The following C6 variants were observed in gnomAD, a reference collection of about 807,000 sequenced individuals.
C6 encodes the protein complement C6.
Under a neutral mutation model 112.9 loss-of-function variants are expected in C6, and 101 were observed. That is an observed-to-expected ratio of 0.89 (90% CI 0.76 to 1.06). C6 has a LOEUF of 1.06. Ranked by LOEUF, C6 falls within the 50% of genes least tolerant of loss-of-function variation. The pLI is 0.00. For synonymous variants in C6, 431 were observed against 384.1 expected, an observed-to-expected ratio of 1.12 and a Z score of -1.43; for missense variants, 1,202 against 1,104.6, an observed-to-expected ratio of 1.09 and a Z score of -1.25.
chr5:41,256,428 T>TTAAAAAAAAAAAAG (rs1561210175), intron 1 of C6, among the ~76,000 whole-genome samples: 1 of 35,894 alleles, frequency 2.8e-5, no homozygotes, highest in East Asian at 5.2e-4. Context: ...TAAAGTATAA[T>TTAAAAAAAAAAAAG]TAAAAAAAAA....
chr5:41,232,869 A>G (rs1435711084), intron 1 of C6, among the ~76,000 whole-genome samples: 1 of 151,762 alleles, frequency 6.6e-6, no homozygotes, highest in Non-Finnish European at 1.5e-5. Flanking sequence ...ATTAGCATTT[A>G]TATCTCTCAT....
chr5:41,149,818 T>C lies in C6; in HGVS notation c.2381+117A>G, dbSNP rs147934216. The C allele has an allele frequency of 1.3e-3, 980 of 765,950 alleles. 14 individuals carry two copies. In the African/African-American group the frequency reaches 0.016, roughly 12 times the overall value. 47.4% of individuals were successfully genotyped at this position (765,950 alleles called of 1,614,324 possible). On this transcript the variant is annotated intron_variant, in intron 16 of 17. Coordinates refer to ENST00000337836, the MANE Select transcript of C6 (RefSeq NM_000065.5). ...CAGCAGAGCACAGGAATATCAGTTA[T>C]GTGGAAAATTCATTTATTTCATGTC...
chr5:41,230,152 G>T (rs1739798883), intron 1 of C6, among the ~76,000 whole-genome samples: 1 of 151,994 alleles, frequency 6.6e-6, no homozygotes, highest in African/African-American at 2.4e-5. Flanking sequence ...GACCACTATT[G>T]TAAAAATTGA....
intron 1 of C6, among the ~76,000 whole-genome samples, chr5:41,252,731 A>G (rs924616542): frequency 2.0e-5 from 3 of 152,166 alleles, no homozygotes; most frequent in East Asian, 1.9e-4. Flanking sequence ...GACATTTACC[A>G]TCTATTCTTT....
intron 1 of C6, among the ~76,000 whole-genome samples, chr5:41,240,615 C>A (rs942130789): frequency 1.3e-5 from 2 of 152,170 alleles, no homozygotes; most frequent in African/African-American, 4.8e-5. Context: ...GCTGACCCAT[C>A]TTCAGGCCCC....
intron 1 of C6, among the ~76,000 whole-genome samples, chr5:41,223,400 G>C (rs1055126296): frequency 6.6e-6 from 1 of 152,212 alleles, no homozygotes; most frequent in African/African-American, 2.4e-5. Flanking sequence ...TTACACAATA[G>C]GCTGGGTGTC....
intron 1 of C6, among the ~76,000 whole-genome samples, chr5:41,235,058 C>CTT (rs11340018): frequency 1.6e-5 from 2 of 124,838 alleles, no homozygotes; most frequent in African/African-American, 2.9e-5. Context: ...CATTCTCATT[C>CTT]TTTTTTTTTT....
At chr5:41,147,783 T>C (rs1222533302) in intron 17 of C6, among the ~76,000 whole-genome samples, 1 of 152,188 alleles carries the variant, frequency 6.6e-6, no homozygotes, top group East Asian at 1.9e-4. Flanking sequence ...TAAAGCTTAG[T>C]TGGGCTATTT....
In C6 at chr5:41,250,117, G is replaced by A. The variant is rs1369988812; in HGVS notation, c.-21+11077C>T. Among the ~76,000 whole-genome samples the A allele has an allele frequency of 2.0e-5, 3 of 152,176 alleles. No homozygotes were observed. In the East Asian group the frequency reaches 5.8e-4, roughly 29 times the overall value. ...AAATTATCCATAGTTAATGGTATCG[G>A]GGGAATTTAATATGTGGCTCCGGCT... is the stretch of plus-strand genomic sequence containing the variant. On this transcript the variant is annotated intron_variant, in intron 1 of 17. Transcript: ENST00000263413.
At chr5:41,252,313 C>G (rs563686706) in intron 1 of C6, among the ~76,000 whole-genome samples, 1 of 152,168 alleles carries the variant, frequency 6.6e-6, no homozygotes, top group Non-Finnish European at 1.5e-5. Context: ...GGATGGCCCC[C>G]CTCCTTGGCC....
At chr5:41,228,962 G>C (rs1391033290) in intron 1 of C6, among the ~76,000 whole-genome samples, 2 of 152,060 alleles carry the variant, frequency 1.3e-5, no homozygotes, top group African/African-American at 4.8e-5. Context: ...TTAGGCTAAT[G>C]CTTACATTGT....
chr5:41,231,905 G>A (rs1309108578), intron 1 of C6, among the ~76,000 whole-genome samples: 2 of 150,580 alleles, frequency 1.3e-5, no homozygotes, highest in Non-Finnish European at 3.0e-5. Flanking sequence ...TTTTTTTCTG[G>A]CACAGTTAGA....
chr5:41,222,515 G>A (rs1336202425), intron 1 of C6, among the ~76,000 whole-genome samples: 2 of 152,056 alleles, frequency 1.3e-5, no homozygotes, highest in Non-Finnish European at 2.9e-5. Context: ...AAATGTCAAG[G>A]AAGGAATGAA....
At chr5:41,254,438 T>G (rs28737393) in intron 1 of C6, among the ~76,000 whole-genome samples, 3,868 of 152,148 alleles carry the variant, frequency 0.025, 164 homozygotes, top group African/African-American at 0.088. Context: ...GTTTTATAAT[T>G]TTTGTCTTCT....
intron 4 of C6, among the ~76,000 whole-genome samples, chr5:41,199,391 C>T (rs1750841322): frequency 6.6e-6 from 1 of 152,092 alleles, no homozygotes; most frequent in Admixed American, 6.6e-5. Flanking sequence ...GTGCTTTTGA[C>T]TTACTCTTTT....
chr5:41,221,532 G>A (rs553010686), intron 1 of C6, among the ~76,000 whole-genome samples: 1 of 152,254 alleles, frequency 6.6e-6, no homozygotes, highest in African/African-American at 2.4e-5. Context: ...CAGTGCTACA[G>A]CAAGTAGATG....
intron 9 of C6, among the ~76,000 whole-genome samples, chr5:41,169,103 C>T (rs1352069756): frequency 1.3e-5 from 2 of 151,974 alleles, no homozygotes; most frequent in Non-Finnish European, 2.9e-5. Flanking sequence ...TAACCAAAAG[C>T]CAAGGCAGGA....
At chr5:41,230,337 A>ATTC (rs1037825849) in intron 1 of C6, among the ~76,000 whole-genome samples, 2 of 152,110 alleles carry the variant, frequency 1.3e-5, no homozygotes, top group Non-Finnish European at 2.9e-5. Flanking sequence ...ATATCAGTGA[A>ATTC]TTCTTTTCCC....
intron 9 of C6, among the ~76,000 whole-genome samples, chr5:41,167,401 C>G (rs1748074570): frequency 6.6e-6 from 1 of 152,046 alleles, no homozygotes; most frequent in African/African-American, 2.4e-5. Context: ...TTTTCCTTCT[C>G]AAAAGTAGGA....
Sources: gnomAD v4.1 joint callset for allele counts (sites outside exome capture counted in the v4.1 genomes callset) on GRCh38, gnomAD v4.1.1 for gene constraint, MANE v1.5 for transcripts, NCBI Gene and HGNC (gene_info 2026-07-23, HGNC 2026-07-21) for gene names.